NYAP2: variants seen among roughly 807,000 people sequenced by gnomAD.
The protein encoded by NYAP2 is neuronal tyrosine-phosphorylated phosphoinositide-3-kinase adapter 2.
In NYAP2, 23 loss-of-function variants were observed where a neutral mutation model predicts 50.4. The ratio of observed to expected loss-of-function variants is 0.46; its 90% CI spans 0.33 to 0.65. NYAP2 has a LOEUF of 0.65. Ranked by LOEUF, NYAP2 falls within the 30% of genes least tolerant of loss-of-function variation. The pLI, the probability that NYAP2 is intolerant of heterozygous loss-of-function variation, is 0.02. For missense variants in NYAP2, 885 were observed against 861.0 expected (o/e 1.03, Z -0.35); for synonymous variants, 394 against 365.2 (o/e 1.08, Z -0.90).
At chr2:225,530,446 C>G (rs947854935) in intron 4 of NYAP2, among the ~76,000 whole-genome samples, 2 of 152,214 alleles carry the variant, frequency 1.3e-5, no homozygotes, top group Non-Finnish European at 2.9e-5. Context: ...TTATCCCTAT[C>G]CTTTGGTATG....
At chr2:225,522,920 T>G (rs188588505) in intron 4 of NYAP2, among the ~76,000 whole-genome samples, 1 of 152,304 alleles carries the variant, frequency 6.6e-6, no homozygotes, top group Admixed American at 6.5e-5. Context: ...GAATATCTGT[T>G]GATTATGGCT....
At chr2:225,693,326 T>A in the NYAP2 span, among the ~76,000 whole-genome samples, 1 of 151,992 alleles carries the variant, frequency 6.6e-6, no homozygotes, top group Non-Finnish European at 1.5e-5. Flanking sequence ...GTTTCTCTAG[T>A]GGTTTCTCAT....
At chr2:225,661,073 G>T in the NYAP2 span, among the ~76,000 whole-genome samples, 1 of 152,178 alleles carries the variant, frequency 6.6e-6, no homozygotes. Flanking sequence ...AAAAAAGCAT[G>T]ACTGGTTAAA....
chr2:225,528,820 G>T (rs1175575086), intron 4 of NYAP2, among the ~76,000 whole-genome samples: 1 of 152,132 alleles, frequency 6.6e-6, no homozygotes, highest in African/African-American at 2.4e-5. Context: ...ATCTCTGCCT[G>T]TTCTGTAGCA....
intron 4 of NYAP2, among the ~76,000 whole-genome samples, chr2:225,525,052 T>A (rs1334751286): frequency 6.6e-6 from 1 of 152,158 alleles, no homozygotes; most frequent in East Asian, 1.9e-4. Context: ...CTTATGCTAG[T>A]TAGAATGGCT....
intron 3 of NYAP2, among the ~76,000 whole-genome samples, chr2:225,478,717 C>T (rs552279457): frequency 6.6e-6 from 1 of 152,224 alleles, no homozygotes; most frequent in East Asian, 1.9e-4. Flanking sequence ...TACAATGGTC[C>T]TGAAAGCTAG....
At position 225,430,242 on chromosome 2, in the gene NYAP2, G is replaced by A. The variant is rs140991639; in HGVS notation, c.221+21141G>A. ...CCATGACTGGATAAAAATGTTTTTCGATGTCCAGGACCTTATTAATTTCCC... is the reference window on the plus strand; with the variant it reads ...CCATGACTGGATAAAAATGTTTTTCAATGTCCAGGACCTTATTAATTTCCC... On this transcript the variant is annotated intron_variant, in intron 3 of 6. Transcript: ENST00000636099. Among the ~76,000 whole-genome samples the A allele has an allele frequency of 1.2e-3, 185 of 152,040 alleles. 3 individuals are homozygous for A. In the East Asian group the frequency reaches 0.031, roughly 25 times the overall value.
exon 4 of NYAP2, chr2:225,513,390 C>A: frequency 6.2e-6 from 10 of 1,613,886 alleles, no homozygotes; most frequent in Non-Finnish European, 8.5e-6. Context: ...AGAAGTAGGG[C>A]GAGGCCACGA....
chr2:225,582,751 C>T lies in NYAP2; in HGVS notation c.1334C>T (p.Ser445Phe). 1 of 1,613,220 alleles carries T rather than the reference C, an allele frequency of 6.2e-7. No homozygotes were observed. The highest frequency in any genetic ancestry group is 8.5e-7 in the Non-Finnish European group (1 of 1,179,314). ...CCCTCCCCCGTCAGCATGGGGAGGT[C>T]CCTGACTCCCCTGAGCCTCAAAAGG... is the stretch of plus-strand genomic sequence containing the variant. Residue 445 changes from serine (S) to phenylalanine (F), a missense_variant, in exon 5 of 7, where the codon TCC becomes TTC. Coordinates refer to ENST00000636099, the Ensembl canonical transcript of NYAP2. This position sits in a 1 kb window ranked among gnomAD's most constrained non-coding sequence, Gnocchi z 7.0.
Position 225,422,848 on chromosome 2 carries a change from C to T in NYAP2, c.221+13747C>T, listed in dbSNP as rs147480586. Among the ~76,000 whole-genome samples the T allele has an allele frequency of 1.1e-4, 17 of 152,218 alleles. No homozygotes were observed. The East Asian group carries it at 2.9e-3, about 26-fold the overall frequency. ...ACAGCATCTTAGTCTGGTTTCTAAT[C>T]GTGAACGATTCTTTTTAATGATAGA... On this transcript the variant is annotated intron_variant, in intron 3 of 6. Transcript: ENST00000636099.
At chr2:225,426,337 T>C (rs1695287834) in intron 3 of NYAP2, among the ~76,000 whole-genome samples, 1 of 152,108 alleles carries the variant, frequency 6.6e-6, no homozygotes, top group African/African-American at 2.4e-5. Context: ...CAGATTAGGA[T>C]GTTGTAAGAA....
intron 4 of NYAP2, among the ~76,000 whole-genome samples, chr2:225,575,652 A>G (rs910084603): frequency 6.6e-6 from 1 of 152,224 alleles, no homozygotes; most frequent in Non-Finnish European, 1.5e-5. Context: ...CAGATTTATG[A>G]CTTAGTGGCT....
chr2:225,570,516 G>T (rs1239073423), intron 4 of NYAP2, among the ~76,000 whole-genome samples: 1 of 152,136 alleles, frequency 6.6e-6, no homozygotes, highest in Non-Finnish European at 1.5e-5. Context: ...TCTTCACAGG[G>T]CAGCAGGAGA....
chr2:225,651,270 C>T (rs1693726396), intron 6 of NYAP2, among the ~76,000 whole-genome samples, 162 bp from the exon 7 acceptor site: 1 of 152,230 alleles, frequency 6.6e-6, no homozygotes. Flanking sequence ...TTAGAGTCAA[C>T]TGCCATGAAA....
intron 3 of NYAP2, among the ~76,000 whole-genome samples, chr2:225,454,757 G>A (rs559529195): frequency 6.6e-6 from 1 of 152,128 alleles, no homozygotes; most frequent in Admixed American, 6.5e-5. Flanking sequence ...AGGTGGAACA[G>A]TTTCATCCCA....
chr2:225,645,238 GA>G (rs36010669), intron 6 of NYAP2, among the ~76,000 whole-genome samples: 25,383 of 101,410 alleles, frequency 0.25, 2,461 homozygotes, highest in East Asian at 0.51. Flanking sequence ...AGCCTGGGCA[GA>G]AAAAAAAAAA....
chr2:225,482,765 C>G (rs1690227617), intron 3 of NYAP2, among the ~76,000 whole-genome samples: 1 of 152,134 alleles, frequency 6.6e-6, no homozygotes, highest in Non-Finnish European at 1.5e-5. Context: ...GCTGGATTCC[C>G]TAGGCAGCTC....
At chr2:225,505,516 T>C (rs914659101) in intron 3 of NYAP2, among the ~76,000 whole-genome samples, 1 of 152,196 alleles carries the variant, frequency 6.6e-6, no homozygotes, top group Non-Finnish European at 1.5e-5. Flanking sequence ...GGGGCAAATA[T>C]ATAAAGCAGT....
chr2:225,500,601 A>G (rs1036216941), intron 3 of NYAP2, among the ~76,000 whole-genome samples: 4 of 152,222 alleles, frequency 2.6e-5, no homozygotes, highest in African/African-American at 9.6e-5. Flanking sequence ...TGTTCAAGAA[A>G]TTTAGAGCAT....
Sources: gnomAD v4.1 joint callset for allele counts (sites outside exome capture counted in the v4.1 genomes callset) on GRCh38, gnomAD v4.1.1 for gene constraint, Gnocchi (gnomAD v3.1) non-coding constraint, MANE v1.5 for transcripts, NCBI Gene and HGNC (gene_info 2026-07-23, HGNC 2026-07-21) for gene names.